Variants in FGD4 observed in about 807,000 individuals in gnomAD.
FGD4 encodes FYVE, RhoGEF and PH domain-containing protein 4.
A neutral mutation model predicts 102.0 loss-of-function variants in FGD4; 42 were observed. That is an observed-to-expected ratio of 0.41 (90% confidence interval 0.32 to 0.53). FGD4 has a LOEUF of 0.53. FGD4 is among the 20% of genes least tolerant of loss of function. The pLI, the probability that FGD4 is intolerant of heterozygous loss-of-function variation, is 0.21. For synonymous variants in FGD4, 380 were observed against 375.7 expected (o/e 1.01, Z -0.13); for missense variants, 902 against 1,078.2 (o/e 0.84, Z 2.29).
intron 3 of FGD4, among the ~76,000 whole-genome samples, chr12:32,577,948 A>G (rs930917477): frequency 1.3e-5 from 2 of 152,042 alleles, no homozygotes; most frequent in Admixed American, 1.3e-4. Flanking sequence ...TCAGTATTCC[A>G]AAGGCTGCGT....
chr12:32,587,189 A>C, intron 4 of FGD4, among the ~76,000 whole-genome samples: 1 of 85,856 alleles, frequency 1.2e-5, no homozygotes, highest in African/African-American at 4.6e-5. Flanking sequence ...GACTCTCTCA[A>C]AAAAAAAAAA....
intron 14 of FGD4, among the ~76,000 whole-genome samples, chr12:32,627,948 A>G (rs1245183490): frequency 6.6e-6 from 1 of 152,190 alleles, no homozygotes; most frequent in African/African-American, 2.4e-5. Flanking sequence ...CTTGGGGGCA[A>G]TGAATTAGAA....
chr12:32,462,344 A>G (rs1943126755), intron 1 of FGD4, among the ~76,000 whole-genome samples: 2 of 151,916 alleles, frequency 1.3e-5, no homozygotes, highest in Non-Finnish European at 2.9e-5. Context: ...TATTTTTAGT[A>G]TAGACAGGGT....
intron 3 of FGD4, among the ~76,000 whole-genome samples, chr12:32,579,813 T>G (rs1407601246): frequency 6.6e-6 from 1 of 152,232 alleles, no homozygotes; most frequent in Non-Finnish European, 1.5e-5. Flanking sequence ...CCTACTCAAT[T>G]TATCCTTTCT....
At chr12:32,435,237 G>A (rs540402530) in intron 1 of FGD4, among the ~76,000 whole-genome samples, 19 of 152,272 alleles carry the variant, frequency 1.2e-4, no homozygotes, top group African/African-American at 3.9e-4. Context: ...GTGAGCCACC[G>A]TGCCTGGCCA....
At chr12:32,482,846 T>A (rs1414334772) in intron 1 of FGD4, among the ~76,000 whole-genome samples, 1 of 152,200 alleles carries the variant, frequency 6.6e-6, no homozygotes, top group Non-Finnish European at 1.5e-5. Flanking sequence ...CGTTTTGAAG[T>A]TAAATAGTTC....
At chr12:32,453,233 ATATAT>A (rs1565749219) in intron 1 of FGD4, among the ~76,000 whole-genome samples, 3,155 of 61,862 alleles carry the variant, frequency 0.051, 79 homozygotes, top group East Asian at 0.093. Flanking sequence ...ATAGATATAT[ATATAT>A]TTTTTTTTTT....
At chr12:32,465,118 G>A (rs1943217164) in intron 1 of FGD4, among the ~76,000 whole-genome samples, 1 of 152,152 alleles carries the variant, frequency 6.6e-6, no homozygotes, top group Admixed American at 6.6e-5. Context: ...CTTTTGAACA[G>A]CTTTGGGGTT....
intron 1 of FGD4, among the ~76,000 whole-genome samples, chr12:32,502,692 T>A (rs1938328242): frequency 6.6e-6 from 1 of 152,234 alleles, no homozygotes; most frequent in Non-Finnish European, 1.5e-5. Flanking sequence ...CTGTCCTTAT[T>A]ATTTGAAAAA....
chr12:32,624,266 ATTTG>A (rs1950016854), intron 11 of FGD4, among the ~76,000 whole-genome samples, 152 bp from the exon 12 acceptor site: 1 of 152,184 alleles, frequency 6.6e-6, no homozygotes, highest in South Asian at 2.1e-4. Context: ...GAAGAATTTT[ATTTG>A]TTTAATTGCC....
chr12:32,403,199 G>A, intron 1 of FGD4, among the ~76,000 whole-genome samples: 1 of 152,250 alleles, frequency 6.6e-6, no homozygotes, highest in East Asian at 1.9e-4. Flanking sequence ...ATGTTCTGTG[G>A]TTATAAACCC....
In FGD4 at chr12:32,589,437, A is replaced by C. The variant is rs894094355; in HGVS notation, c.1011+6970A>C. The stretch of plus-strand genomic sequence containing the variant: ...ACATGATGTACTCTCATTAGTGTAT[A>C]CAAGGTTCTGACTTAACAGAATTAA... On this transcript the variant is annotated intron_variant, in intron 4 of 16. Coordinates refer to ENST00000534526, the MANE Select transcript of FGD4 (RefSeq NM_001370298.3). 5.3e-5 allele frequency among the ~76,000 whole-genome samples: 8 copies of C among 152,220 alleles called. No individual in the cohort carries two copies. The East Asian group carries it at 1.2e-3, about 22-fold the overall frequency.
At chr12:32,617,465 A>T (rs1371656072) in intron 10 of FGD4, among the ~76,000 whole-genome samples, 13 of 152,230 alleles carry the variant, frequency 8.5e-5, no homozygotes, top group Admixed American at 8.5e-4. Context: ...TTTCAGTCAA[A>T]TATATTTTTA....
rs1951340107 is a variant in FGD4 at position 32,645,078 on chromosome 12, T to A, written c.*4545T>A. On this transcript the variant is annotated 3_prime_UTR_variant, in exon 17 of 17. Transcript: ENST00000534526. ...CTTTTCCCAAAATTCATTGTGGTAG[T>A]TTTAGTGGAAAACGTAAATCAAGAA... The A allele has an allele frequency of 6.6e-6, 1 of 152,188 alleles. No homozygotes were observed. Among genetic ancestry groups the A allele is most frequent in the Non-Finnish European group, 1.5e-5 (1 of 68,032 alleles). 9.4% of individuals were successfully genotyped at this position (152,188 alleles called of 1,614,324 possible). A position where few individuals can be genotyped will look rare whatever the true frequency, so the allele number is the denominator to read the frequency against.
intron 1 of FGD4, among the ~76,000 whole-genome samples, chr12:32,476,560 A>G (rs374985821): frequency 1.3e-5 from 2 of 152,070 alleles, no homozygotes; most frequent in East Asian, 1.9e-4. Context: ...CCTTCTCACA[A>G]TGTGGCAGCT....
chr12:32,624,305 C>T (rs1950019568), intron 11 of FGD4, 117 bp from the exon 12 acceptor site: 4 of 783,522 alleles, frequency 5.1e-6, no homozygotes, highest in African/African-American at 1.8e-5. Context: ...GTTATAATTC[C>T]TTCCATAACA....
In FGD4 at chr12:32,410,935, T is replaced by C. The variant is rs562491033; in HGVS notation, c.166+10976T>C. Reference sequence around the variant, plus strand: ...ACAATGAACTCTTTTTTTTTTCTTTTTTTTTTTTTTTTTGAGATAGAGTCT... The same window carrying C: ...ACAATGAACTCTTTTTTTTTTCTTTCTTTTTTTTTTTTTGAGATAGAGTCT... On this transcript the variant is annotated intron_variant, in intron 1 of 16. Coordinates refer to ENST00000534526, the MANE Select transcript of FGD4 (RefSeq NM_001370298.3). Among the ~76,000 whole-genome samples the C allele has an allele frequency of 6.9e-4, 102 of 148,578 alleles. 1 individual carries two copies. Among genetic ancestry groups the C allele is most frequent in the African/African-American group, 2.2e-3 (89 of 40,330 alleles).
intron 1 of FGD4, among the ~76,000 whole-genome samples, chr12:32,439,166 T>G (rs574808691): frequency 1.3e-5 from 2 of 152,360 alleles, no homozygotes; most frequent in South Asian, 2.1e-4. Flanking sequence ...TATTCTACTC[T>G]CAACTTCTAT....
chr12:32,627,013 G>A (rs1950214962), intron 14 of FGD4, among the ~76,000 whole-genome samples: 1 of 151,148 alleles, frequency 6.6e-6, no homozygotes. Context: ...ACACCTGGCT[G>A]ATTTCTGTAT....
Sources: gnomAD v4.1 joint callset for allele counts (sites outside exome capture counted in the v4.1 genomes callset) on GRCh38, gnomAD v4.1.1 for gene constraint, MANE v1.5 for transcripts, NCBI Gene and HGNC (gene_info 2026-07-23, HGNC 2026-07-21) for gene names.